UROS: variants seen among roughly 807,000 people sequenced by gnomAD.
UROS encodes uroporphyrinogen-III synthase.
A neutral mutation model predicts 33.0 loss-of-function variants in UROS; 18 were observed. The ratio of observed to expected loss-of-function variants is 0.55; its 90% CI spans 0.38 to 0.81. The LOEUF (loss-of-function observed/expected upper bound fraction) is 0.81, where lower values mean the gene tolerates loss of function less well. Among genes scored for constraint, UROS ranks in the 30% least tolerant of loss-of-function variants. UROS has a pLI of 0.00. For synonymous variants in UROS, 114 were observed against 121.1 expected (o/e 0.94, Z 0.38); for missense variants, 293 against 314.9 (o/e 0.93, Z 0.53).
chr10:125,791,349 A>T (rs1316022096), intron 9 of UROS, among the ~76,000 whole-genome samples: 3 of 152,208 alleles, frequency 2.0e-5, no homozygotes, highest in Non-Finnish European at 4.4e-5. Flanking sequence ...AAGGACATGG[A>T]GGATATGGAG....
intron 8 of UROS, among the ~76,000 whole-genome samples, chr10:125,795,660 C>T (rs1034371309): frequency 6.6e-6 from 1 of 152,156 alleles, no homozygotes; most frequent in African/African-American, 2.4e-5. Context: ...TCCAGCTCCA[C>T]CAGCATCCCC....
At position 125,800,196 on chromosome 10, in the gene UROS, C is replaced by G. The variant is rs114196175; in HGVS notation, c.395-2051G>C. Among the ~76,000 whole-genome samples, 689 of 152,290 alleles carry G rather than the reference C, an allele frequency of 4.5e-3. 3 individuals carry two copies. Among genetic ancestry groups the G allele is most frequent in the African/African-American group, 0.015 (636 of 41,556 alleles). ...AATGCCTAGGCAGATAGGGAAGGGT[C>G]CCCGGTGAGACCTCACCTTCAAGCC... On this transcript the variant is annotated intron_variant, in intron 6 of 9. Coordinates refer to ENST00000368797, the MANE Select transcript of UROS (RefSeq NM_000375.3).
At chr10:125,791,362 A>C (rs1212996991) in intron 9 of UROS, among the ~76,000 whole-genome samples, 1 of 152,214 alleles carries the variant, frequency 6.6e-6, no homozygotes, top group East Asian at 1.9e-4. Flanking sequence ...ATATGGAGAA[A>C]CTGGAACCCT....
intron 6 of UROS, among the ~76,000 whole-genome samples, chr10:125,800,358 T>C (rs8181289): frequency 0.42 from 63,896 of 152,004 alleles, 13,685 homozygotes; most frequent in Non-Finnish European, 0.46. Flanking sequence ...CAATCAAATG[T>C]TGCCTTTTCC....
chr10:125,800,519 G>C (rs1470451669), intron 6 of UROS, among the ~76,000 whole-genome samples: 2 of 151,814 alleles, frequency 1.3e-5, no homozygotes, highest in Admixed American at 1.3e-4. Flanking sequence ...GGAGAAACCT[G>C]CTTGGAGAAT....
At chr10:125,795,125 C>T in intron 8 of UROS, 147 bp from the exon 9 acceptor site, 1 of 732,618 alleles carries the variant, frequency 1.4e-6, no homozygotes, top group Non-Finnish European at 2.4e-6. Context: ...TGCTGGCATC[C>T]TCTGCTCCAG....
intron 6 of UROS, chr10:125,802,646 A>G (rs1244981367): frequency 8.9e-7 from 1 of 1,123,132 alleles, no homozygotes; most frequent in Non-Finnish European, 1.1e-6. Context: ...CACAGATTAC[A>G]GTCTCCTGAA....
intron 9 of UROS, 141 bp from the exon 10 acceptor site, chr10:125,789,146 C>A: frequency 3.5e-6 from 5 of 1,430,648 alleles, no homozygotes; most frequent in Non-Finnish European, 4.8e-6. Flanking sequence ...AAAATGACAA[C>A]ACTGCCCGAT....
chr10:125,799,944 A>T (rs907212723), intron 6 of UROS, among the ~76,000 whole-genome samples: 1 of 152,186 alleles, frequency 6.6e-6, no homozygotes, highest in Non-Finnish European at 1.5e-5. Context: ...CAACAGGCCA[A>T]TGGGATGGTT....
At chr10:125,796,975 C>T (rs565687916) in intron 7 of UROS, 2 of 461,636 alleles carry the variant, frequency 4.3e-6, no homozygotes, top group Non-Finnish European at 5.7e-6. Context: ...AGTATCAAAC[C>T]TCTGATTTAT....
chr10:125,807,189 G>C (rs972103140), intron 6 of UROS: 12 of 575,168 alleles, frequency 2.1e-5, no homozygotes, highest in Non-Finnish European at 3.7e-5. Context: ...TTATGTTCAA[G>C]TCAAGTTCTT....
At chr10:125,795,716 G>C (rs1198922921) in intron 8 of UROS, among the ~76,000 whole-genome samples, 1 of 152,124 alleles carries the variant, frequency 6.6e-6, no homozygotes, top group Non-Finnish European at 1.5e-5. Flanking sequence ...ATTTACCTCA[G>C]GGTTGTATGT....
chr10:125,803,633 G>A (rs987148198), intron 6 of UROS, among the ~76,000 whole-genome samples: 2 of 152,232 alleles, frequency 1.3e-5, no homozygotes, highest in African/African-American at 4.8e-5. Flanking sequence ...AGAGGGAGCA[G>A]GCAGTGTTGT....
intron 4 of UROS, 59 bp from the exon 5 acceptor site, chr10:125,812,347 G>T: frequency 6.7e-7 from 1 of 1,494,442 alleles, no homozygotes; most frequent in Non-Finnish European, 9.3e-7. Flanking sequence ...TTGGACTGTT[G>T]CCCAAGGCTG....
chr10:125,823,214 T>G lies in UROS; in HGVS notation c.-212A>C. 1 of 209,936 alleles carries G rather than the reference T, an allele frequency of 4.8e-6. No individual in the cohort carries two copies. The highest frequency in any genetic ancestry group is 9.6e-6 in the Non-Finnish European group (1 of 104,472). The allele number at this position is 209,936 out of a possible 1,614,324, so 13.0% of individuals were successfully genotyped here. A position where few individuals can be genotyped will look rare whatever the true frequency, so the allele number is the denominator to read the frequency against. ...GGCCCCAGGACCCCGCACCTCAGACTGGGGTCGCGTGGGTGGCTGCGCGCA... is the reference window on the plus strand; with the variant it reads ...GGCCCCAGGACCCCGCACCTCAGACGGGGGTCGCGTGGGTGGCTGCGCGCA... On this transcript the variant is annotated 5_prime_UTR_variant, in exon 1 of 10. Transcript: ENST00000368797.
chr10:125,811,439 C>G (rs1033208301), intron 5 of UROS, among the ~76,000 whole-genome samples: 2 of 152,198 alleles, frequency 1.3e-5, no homozygotes, highest in Non-Finnish European at 2.9e-5. Context: ...TTCCCTTTCC[C>G]TGGCTGATCT....
intron 5 of UROS, among the ~76,000 whole-genome samples, chr10:125,810,888 A>T (rs763083210): frequency 3.9e-5 from 6 of 152,210 alleles, no homozygotes; most frequent in Non-Finnish European, 8.8e-5. Context: ...AAAAGTTACA[A>T]CACTTCTAAT....
intron 8 of UROS, 72 bp downstream of exon 8, chr10:125,796,031 C>G: frequency 1.5e-6 from 2 of 1,341,904 alleles, no homozygotes; most frequent in East Asian, 4.6e-5. Flanking sequence ...CATCTATCAG[C>G]TCGTGCCCTT....
chr10:125,802,595 C>T, intron 6 of UROS: 4 of 1,034,552 alleles, frequency 3.9e-6, no homozygotes, highest in Non-Finnish European at 4.6e-6. Flanking sequence ...AAGCACAGGG[C>T]CAACCGTCTT....
Sources: gnomAD v4.1 joint callset for allele counts (sites outside exome capture counted in the v4.1 genomes callset) on GRCh38, gnomAD v4.1.1 for gene constraint, MANE v1.5 for transcripts, NCBI Gene and HGNC (gene_info 2026-07-23, HGNC 2026-07-21) for gene names.